ANKRD44: variants seen among roughly 807,000 people sequenced by gnomAD.
The protein encoded by ANKRD44 is ankyrin repeat domain 44, also known as serine/threonine-protein phosphatase 6 regulatory ankyrin repeat subunit B.
A neutral mutation model predicts 116.0 loss-of-function variants in ANKRD44; 35 were observed. The observed-to-expected ratio is 0.30, with a 90% CI of 0.23 to 0.40. The LOEUF is 0.40. Among genes scored for constraint, ANKRD44 ranks in the 10% least tolerant of loss-of-function variants. The probability of loss-of-function intolerance (pLI) is 1.00; values close to 1 mark genes in which losing one functional copy is unlikely to be tolerated. For synonymous variants in ANKRD44, 435 were observed against 461.8 expected (o/e 0.94, Z 0.74); for missense variants, 1,014 against 1,242.6 (o/e 0.82, Z 2.77).
chr2:197,284,662 G>T (rs952790919), intron 1 of ANKRD44, among the ~76,000 whole-genome samples: 1 of 152,030 alleles, frequency 6.6e-6, no homozygotes, highest in Admixed American at 6.6e-5. Context: ...TAGGTGGGTG[G>T]ATCACTTGAG....
At chr2:197,076,604 G>C (rs1008373606) in intron 16 of ANKRD44, among the ~76,000 whole-genome samples, 3 of 151,938 alleles carry the variant, frequency 2.0e-5, no homozygotes, top group Admixed American at 6.6e-5. Context: ...TGCCACCCAG[G>C]TACTAAGCCT....
rs191379005 is a variant in ANKRD44 at position 197,164,530 on chromosome 2, G to A, written c.112-17425C>T. Among the ~76,000 whole-genome samples, 439 of 152,334 alleles carry A rather than the reference G, an allele frequency of 2.9e-3. 2 individuals carry two copies. The highest frequency in any genetic ancestry group is 0.019 in the South Asian group (92 of 4,832). On this transcript the variant is annotated intron_variant, in intron 2 of 27. Transcript: ENST00000282272. ...CTTCCCCCACCGCAGCGGCTCCTGGGTGGGAAAGAAACAAAGGCCGGCTTC... is the reference window on the plus strand; with the variant it reads ...CTTCCCCCACCGCAGCGGCTCCTGGATGGGAAAGAAACAAAGGCCGGCTTC...
rs536193183 is a variant in ANKRD44 at position 197,112,386 on chromosome 2, CG to C, written c.907-1543del. 1.9e-3 allele frequency among the ~76,000 whole-genome samples: 289 copies of C among 152,288 alleles called. 2 individuals carry two copies. The highest frequency in any genetic ancestry group is 3.5e-3 in the Non-Finnish European group (237 of 68,032). Reference sequence around the variant, plus strand: ...CTTAGAGTGGACCAAGGACTGCCCACGTCTGAATCACCCAGGATTCTTGTTA... The same window carrying C: ...CTTAGAGTGGACCAAGGACTGCCCACTCTGAATCACCCAGGATTCTTGTTA... On this transcript the variant is annotated intron_variant, in intron 8 of 27. Transcript: ENST00000282272.
chr2:197,063,707 T>C (rs926006893), intron 16 of ANKRD44, among the ~76,000 whole-genome samples: 3 of 152,132 alleles, frequency 2.0e-5, no homozygotes, highest in East Asian at 1.9e-4. Flanking sequence ...GTATCAGCGA[T>C]TGAAGATCAA....
intron 1 of ANKRD44, chr2:197,250,814 A>G (rs1274940142): frequency 8.5e-5 from 13 of 152,260 alleles, no homozygotes; most frequent in Non-Finnish European, 1.5e-5. Context: ...CCAGCTAAGA[A>G]TTTACATGGG....
At chr2:197,182,639 G>A (rs2080538271) in intron 2 of ANKRD44, among the ~76,000 whole-genome samples, 1 of 152,016 alleles carries the variant, frequency 6.6e-6, no homozygotes, top group South Asian at 2.1e-4. Flanking sequence ...TGGGACATTG[G>A]TTCCAGGACC....
chr2:197,158,469 TAAAC>T (rs553695258), intron 2 of ANKRD44, among the ~76,000 whole-genome samples: 62 of 152,224 alleles, frequency 4.1e-4, no homozygotes, highest in Middle Eastern at 3.4e-3. Context: ...ACCAATTTAT[TAAAC>T]AAACATAGAT....
At chr2:197,308,733 G>C (rs1559239509) in intron 1 of ANKRD44, among the ~76,000 whole-genome samples, 1 of 152,172 alleles carries the variant, frequency 6.6e-6, no homozygotes, top group Non-Finnish European at 1.5e-5. Context: ...GCTCTGATAA[G>C]CCCTGAAGAA....
chr2:197,267,074 TAAAGG>T (rs2082761034), intron 1 of ANKRD44, among the ~76,000 whole-genome samples: 1 of 103,128 alleles, frequency 9.7e-6, no homozygotes, highest in Admixed American at 9.6e-5. Context: ...AATGAATGAA[TAAAGG>T]GAATAAAGGT....
At chr2:197,037,942 A>C (rs1029190676) in intron 16 of ANKRD44, among the ~76,000 whole-genome samples, 19 of 151,408 alleles carry the variant, frequency 1.3e-4, no homozygotes, top group Admixed American at 9.9e-4. Flanking sequence ...ACCTTGTCTT[A>C]AAAAAAAATG....
chr2:197,230,962 T>TA (rs1169962846), intron 1 of ANKRD44, among the ~76,000 whole-genome samples: 3 of 152,162 alleles, frequency 2.0e-5, no homozygotes, highest in Non-Finnish European at 4.4e-5. Context: ...CTTCTGGCTC[T>TA]ACCCACCTGA....
chr2:197,289,918 T>A (rs2083513969), intron 1 of ANKRD44, among the ~76,000 whole-genome samples: 1 of 151,662 alleles, frequency 6.6e-6, no homozygotes, highest in Admixed American at 6.6e-5. Flanking sequence ...CCAGGCTGAG[T>A]GCAGTGGCGT....
chr2:197,080,556 G>A (rs2125133418), intron 15 of ANKRD44, among the ~76,000 whole-genome samples: 1 of 152,338 alleles, frequency 6.6e-6, no homozygotes, highest in South Asian at 2.1e-4. Flanking sequence ...GTTTGCTGCA[G>A]TGGCTTAAGA....
At chr2:197,265,202 C>T (rs896144308) in intron 1 of ANKRD44, among the ~76,000 whole-genome samples, 5 of 149,454 alleles carry the variant, frequency 3.3e-5, no homozygotes, top group African/African-American at 7.4e-5. Flanking sequence ...GAAATGCTAA[C>T]GTACTTCCTT....
In ANKRD44 at chr2:197,191,592, G is replaced by A. The variant is rs35808558; in HGVS notation, c.28-4486C>T. Among the ~76,000 whole-genome samples the A allele has an allele frequency of 4.3e-3, 656 of 152,260 alleles. 7 individuals carry two copies. The highest frequency in any genetic ancestry group is 5.2e-3 in the Non-Finnish European group (352 of 68,020). On this transcript the variant is annotated intron_variant, in intron 1 of 27. Coordinates refer to ENST00000282272, the MANE Select transcript of ANKRD44 (RefSeq NM_001195144.2). ...AATGCTAAATCAAATATGTACTAGG[G>A]ATAGTTATTCTCAAACTTTGAAGTA...
intron 13 of ANKRD44, among the ~76,000 whole-genome samples, chr2:197,085,495 G>C (rs527500856): frequency 6.6e-6 from 1 of 152,088 alleles, no homozygotes; most frequent in Non-Finnish European, 1.5e-5. Flanking sequence ...CAAGATACCG[G>C]TCATGAAGAC....
chr2:197,190,565 A>T (rs1032372080), intron 1 of ANKRD44, among the ~76,000 whole-genome samples: 1 of 152,114 alleles, frequency 6.6e-6, no homozygotes, highest in Non-Finnish European at 1.5e-5. Context: ...CCCAGAGAGC[A>T]CTTTGGCACT....
intron 20 of ANKRD44, 57 bp downstream of exon 20, chr2:197,007,749 A>G: frequency 8.7e-7 from 1 of 1,150,550 alleles, no homozygotes; most frequent in South Asian, 1.3e-5. Context: ...TTTGCTAAAA[A>G]AGAAAACAAG....
At chr2:197,240,193 G>A (rs1025760942) in intron 1 of ANKRD44, among the ~76,000 whole-genome samples, 11 of 151,920 alleles carry the variant, frequency 7.2e-5, no homozygotes, top group South Asian at 4.2e-4. Context: ...TAGCCAACAC[G>A]GTGAAACCCT....
Sources: allele counts gnomAD v4.1 joint callset (sites outside exome capture counted in the v4.1 genomes callset), GRCh38; gene constraint gnomAD v4.1.1; transcripts MANE v1.5; gene names NCBI Gene and HGNC (gene_info 2026-07-23, HGNC 2026-07-21).